FAM131B: variants seen among roughly 807,000 people sequenced by gnomAD.
The protein encoded by FAM131B is protein FAM131B.
A neutral mutation model predicts 42.0 loss-of-function variants in FAM131B; 19 were observed. That is an observed-to-expected ratio of 0.45 (90% CI 0.32 to 0.66). The LOEUF is 0.66. Ranked by LOEUF, FAM131B falls within the 30% of genes least tolerant of loss-of-function variation. The pLI is 0.05. For missense variants in FAM131B, 370 were observed against 468.4 expected (o/e 0.79, Z 1.94); for synonymous variants, 183 against 177.6 (o/e 1.03, Z -0.24).
At chr7:143,382,279 G>T in the FAM131B span, 2 of 1,612,812 alleles carry the variant, frequency 1.2e-6, no homozygotes, top group East Asian at 4.5e-5. Context: ...CCCTTGCTGG[G>T]GATGGCGACG....
At chr7:143,376,027 C>T in the FAM131B span, among the ~76,000 whole-genome samples, 1 of 152,214 alleles carries the variant, frequency 6.6e-6, no homozygotes, top group Non-Finnish European at 1.5e-5. Flanking sequence ...GCTTGCAGTG[C>T]CTTTGGGTGC....
At position 143,362,056 on chromosome 7, in the gene FAM131B, A is replaced by G. The variant is rs888152621; in HGVS notation, c.28+520T>C. 1.7e-5 allele frequency: 17 copies of G among 984,984 alleles called. No individual in the cohort carries two copies. The highest frequency in any genetic ancestry group is 6.1e-5 in the Admixed American group (1 of 16,274). 61.0% of individuals were successfully genotyped at this position (984,984 alleles called of 1,614,324 possible). Reference sequence around the variant, plus strand: ...CGGAGGAGGCAGGAACGACAGTAAAAGGCAACGGAGAGGGAGAGAGAGATG... The same window carrying G: ...CGGAGGAGGCAGGAACGACAGTAAAGGGCAACGGAGAGGGAGAGAGAGATG... On this transcript the variant is annotated intron_variant, in intron 1 of 6. Transcript: ENST00000443739. This position sits in a 1 kb window ranked among gnomAD's most constrained non-coding sequence, Gnocchi z 7.7.
the FAM131B span, among the ~76,000 whole-genome samples, chr7:143,372,121 G>A: frequency 6.6e-6 from 1 of 152,212 alleles, no homozygotes; most frequent in African/African-American, 2.4e-5. Context: ...AGACTGGTAT[G>A]TTTATCAGGA....
chr7:143,372,156 C>T, the FAM131B span, among the ~76,000 whole-genome samples: 1 of 152,180 alleles, frequency 6.6e-6, no homozygotes, highest in Non-Finnish European at 1.5e-5. Flanking sequence ...ATGGCATCTG[C>T]AGCTCACAGC....
the FAM131B span, chr7:143,380,822 C>A: frequency 1.0e-6 from 1 of 975,552 alleles, no homozygotes; most frequent in African/African-American, 1.8e-5. This position sits in a 1 kb window ranked among gnomAD's most constrained non-coding sequence, Gnocchi z 5.0. Context: ...CGTTCGGCCA[C>A]CCCAGGCGGA....
chr7:143,369,342 T>A, the FAM131B span, among the ~76,000 whole-genome samples: 1 of 152,146 alleles, frequency 6.6e-6, no homozygotes, highest in African/African-American at 2.4e-5. Flanking sequence ...TCTTTTTGCT[T>A]ATGGAGACTG....
upstream of FAM131B, among the ~76,000 whole-genome samples, chr7:143,367,533 C>T (rs1364404670): frequency 2.0e-5 from 3 of 152,100 alleles, no homozygotes; most frequent in East Asian, 1.9e-4. Flanking sequence ...GGTGAAACTC[C>T]GTCTCTACTA....
At chr7:143,380,471 T>A in the FAM131B span, 1 of 985,206 alleles carries the variant, frequency 1.0e-6, no homozygotes, top group Non-Finnish European at 1.2e-6. This position sits in a 1 kb window ranked among gnomAD's most constrained non-coding sequence, Gnocchi z 5.0. Flanking sequence ...TGGTGGGCGT[T>A]GAAGGGCCGT....
the FAM131B span, among the ~76,000 whole-genome samples, chr7:143,372,467 G>T: frequency 6.6e-6 from 1 of 152,244 alleles, no homozygotes; most frequent in Admixed American, 6.5e-5. Context: ...GCTGGTTGGA[G>T]AAAGTGTGGC....
the FAM131B span, among the ~76,000 whole-genome samples, chr7:143,369,395 C>T: frequency 6.6e-6 from 1 of 152,268 alleles, no homozygotes; most frequent in African/African-American, 2.4e-5. Context: ...AATGTTTTGG[C>T]CGGGCGCGGT....
At chr7:143,378,788 G>T in the FAM131B span, among the ~76,000 whole-genome samples, 1 of 152,122 alleles carries the variant, frequency 6.6e-6, no homozygotes, top group Non-Finnish European at 1.5e-5. Flanking sequence ...CGTTGGTCAG[G>T]CTTGTCTCAA....
In FAM131B at chr7:143,359,641, A is replaced by C. The variant is rs1195989778; in HGVS notation, c.174+91T>G. On this transcript the variant is annotated intron_variant, in intron 3 of 6. Coordinates refer to ENST00000443739, the MANE Select transcript of FAM131B (RefSeq NM_001031690.3). This position sits in a 1 kb window ranked among gnomAD's most constrained non-coding sequence, Gnocchi z 5.4. Reference sequence around the variant, plus strand: ...AGTGCTCACAGTGCCTATTGGAGCCAGGGAATACCGTGCTGGTTGGAAGGT... The same window carrying C: ...AGTGCTCACAGTGCCTATTGGAGCCCGGGAATACCGTGCTGGTTGGAAGGT... 5 of 1,281,162 alleles carry C rather than the reference A, an allele frequency of 3.9e-6. No individual in the cohort carries two copies. The highest frequency in any genetic ancestry group is 5.6e-6 in the Non-Finnish European group (5 of 900,132). The allele number at this position is 1,281,162 out of a possible 1,614,324, so 79.4% of individuals were successfully genotyped here.
At position 143,359,917 on chromosome 7, in the gene FAM131B, C is replaced by T. The variant is rs1235894864; in HGVS notation, c.138+123G>A. The stretch of plus-strand genomic sequence containing the variant: ...CTAACTGGGTTCTCCATGTGGACTG[C>T]TTGGCATGTGTTGTGAGAAATGTTC... On this transcript the variant is annotated intron_variant, in intron 2 of 6. Transcript: ENST00000443739. The surrounding 1 kb of genome is among the most constrained non-coding windows in gnomAD (Gnocchi z 5.4). The T allele has an allele frequency of 8.0e-6, 8 of 997,148 alleles. No individual in the cohort carries two copies. The highest frequency in any genetic ancestry group is 1.2e-5 in the Non-Finnish European group (8 of 647,058). The allele number at this position is 997,148 out of a possible 1,614,324, so 61.8% of individuals were successfully genotyped here.
chr7:143,358,694 T>C lies in FAM131B; in HGVS notation c.466+133A>G. On this transcript the variant is annotated intron_variant, in intron 5 of 6. Transcript: ENST00000443739. This position sits in a 1 kb window ranked among gnomAD's most constrained non-coding sequence, Gnocchi z 4.7. ...ATTTGAATTACCACATCAAAATACT[T>C]AGAGCTGTTTGGGAAATGTGAATCT... 1.5e-6 allele frequency: 1 copy of C among 676,238 alleles called. No homozygotes were observed. The highest frequency in any genetic ancestry group is 2.6e-6 in the Non-Finnish European group (1 of 386,648). The allele number at this position is 676,238 out of a possible 1,614,324, so 41.9% of individuals were successfully genotyped here.
the FAM131B span, among the ~76,000 whole-genome samples, chr7:143,371,463 A>G: frequency 0.015 from 2,344 of 151,344 alleles, 23 homozygotes; most frequent in Non-Finnish European, 0.022. Context: ...AGAAAAAGAA[A>G]ATTAGCCAGG....
chr7:143,380,591 A>G, the FAM131B span: 9 of 985,418 alleles, frequency 9.1e-6, no homozygotes, highest in Non-Finnish European at 1.1e-5. The surrounding 1 kb of genome is among the most constrained non-coding windows in gnomAD (Gnocchi z 5.0). Flanking sequence ...GCGGACCCGA[A>G]CGGTCCCTCT....
At chr7:143,365,307 A>G (rs1804155642), upstream of FAM131B, among the ~76,000 whole-genome samples, 3 of 152,182 alleles carry the variant, frequency 2.0e-5, no homozygotes, top group South Asian at 6.2e-4. Context: ...TGTCAGGAGA[A>G]TGAGGGATTC....
the FAM131B span, chr7:143,381,602 T>G: frequency 6.2e-7 from 1 of 1,611,462 alleles, no homozygotes; most frequent in Non-Finnish European, 8.5e-7. Context: ...TCCCGCGATC[T>G]CCGTTTCGGT....
chr7:143,371,230 C>T, the FAM131B span, among the ~76,000 whole-genome samples: 90 of 152,200 alleles, frequency 5.9e-4, no homozygotes, highest in East Asian at 0.014. Context: ...AACAGCAATA[C>T]AACAATTAAG....
Sources: allele counts gnomAD v4.1 joint callset (sites outside exome capture counted in the v4.1 genomes callset), GRCh38; gene constraint gnomAD v4.1.1; non-coding constraint Gnocchi (gnomAD v3.1); transcripts MANE v1.5; gene names NCBI Gene and HGNC (gene_info 2026-07-23, HGNC 2026-07-21).